The following PTPRT variants were observed in gnomAD, a reference collection of about 807,000 sequenced individuals.
PTPRT encodes the protein receptor-type tyrosine-protein phosphatase T.
PTPRT carries 56 observed loss-of-function variants against 176.8 expected under a neutral mutation model. The observed-to-expected ratio is 0.32, with a 90% CI of 0.26 to 0.40. The LOEUF (loss-of-function observed/expected upper bound fraction) is 0.40. Ranked by LOEUF, PTPRT falls within the 10% of genes least tolerant of loss-of-function variation. The pLI is 1.00. For synonymous variants in PTPRT, 783 were observed against 739.0 expected, an observed-to-expected ratio of 1.06 and a Z score of -0.96; for missense variants, 1,540 against 1,908.2, an observed-to-expected ratio of 0.81 and a Z score of 3.60.
At chr20:42,903,672 G>A (rs569696992) in intron 1 of PTPRT, among the ~76,000 whole-genome samples, 26 of 152,298 alleles carry the variant, frequency 1.7e-4, no homozygotes, top group African/African-American at 5.8e-4. Context: ...GCCGTTAAGT[G>A]TGCATTAATT....
At chr20:42,440,802 G>A (rs1033934285) in intron 9 of PTPRT, among the ~76,000 whole-genome samples, 1 of 152,166 alleles carries the variant, frequency 6.6e-6, no homozygotes, top group African/African-American at 2.4e-5. Flanking sequence ...AAGACCAAAT[G>A]CTGTCAGGCT....
At chr20:42,754,778 C>T (rs1255914078) in intron 6 of PTPRT, among the ~76,000 whole-genome samples, 1 of 152,142 alleles carries the variant, frequency 6.6e-6, no homozygotes, top group Admixed American at 6.5e-5. Context: ...TAATAAACTC[C>T]TGCTGAGGCC....
intron 7 of PTPRT, among the ~76,000 whole-genome samples, chr20:42,639,136 T>C (rs369291296): frequency 1.3e-5 from 2 of 152,156 alleles, no homozygotes; most frequent in African/African-American, 4.8e-5. Flanking sequence ...AATGCACACT[T>C]GACCTCTTCT....
chr20:42,084,076 A>G (rs773907990), intron 29 of PTPRT, among the ~76,000 whole-genome samples: 29 of 152,250 alleles, frequency 1.9e-4, no homozygotes, highest in Non-Finnish European at 3.7e-4. Context: ...CTAATTCCAC[A>G]TACCCAATGA....
chr20:42,579,565 C>A (rs2073333069), intron 7 of PTPRT, among the ~76,000 whole-genome samples: 1 of 152,182 alleles, frequency 6.6e-6, no homozygotes. Flanking sequence ...TCCTCTCCAG[C>A]ACCTGTTGTT....
chr20:42,346,849 G>A (rs1424223417), intron 11 of PTPRT, among the ~76,000 whole-genome samples: 1 of 152,198 alleles, frequency 6.6e-6, no homozygotes, highest in Non-Finnish European at 1.5e-5. Context: ...CTCAAAGAGG[G>A]ACCCACTGAA....
At chr20:42,120,359 C>CAAG (rs1987524005) in intron 19 of PTPRT, among the ~76,000 whole-genome samples, 1 of 152,100 alleles carries the variant, frequency 6.6e-6, no homozygotes, top group Non-Finnish European at 1.5e-5. Context: ...GAACACTGTA[C>CAAG]AAGACCCTAT....
intron 7 of PTPRT, among the ~76,000 whole-genome samples, chr20:42,663,165 A>G (rs1333901304): frequency 6.6e-6 from 1 of 151,844 alleles, no homozygotes; most frequent in Non-Finnish European, 1.5e-5. Flanking sequence ...CCCTCCCCCA[A>G]CCCCACTTAA....
intron 1 of PTPRT, among the ~76,000 whole-genome samples, chr20:42,967,802 G>A (rs546057799): frequency 1.3e-5 from 2 of 148,988 alleles, no homozygotes; most frequent in African/African-American, 2.5e-5. Context: ...CTTCAGCCTC[G>A]CCCTCTCCAA....
intron 9 of PTPRT, among the ~76,000 whole-genome samples, chr20:42,381,232 A>G (rs2145633222): frequency 6.6e-6 from 1 of 152,186 alleles, no homozygotes; most frequent in African/African-American, 2.4e-5. Flanking sequence ...GGCCTTTTAG[A>G]TTCATTGTAG....
At chr20:42,691,524 T>A (rs908979725) in intron 6 of PTPRT, among the ~76,000 whole-genome samples, 2 of 152,158 alleles carry the variant, frequency 1.3e-5, no homozygotes, top group African/African-American at 4.8e-5. Context: ...GGTGTCCAGA[T>A]GGATTAAGAG....
intron 16 of PTPRT, among the ~76,000 whole-genome samples, chr20:42,198,353 C>T (rs535409997): frequency 6.6e-6 from 1 of 152,124 alleles, no homozygotes; most frequent in East Asian, 1.9e-4. Flanking sequence ...CCCCATCATC[C>T]CAAACTGATC....
intron 7 of PTPRT, among the ~76,000 whole-genome samples, chr20:42,492,467 C>CTT (rs144691527): frequency 6.6e-6 from 1 of 151,612 alleles, no homozygotes; most frequent in African/African-American, 2.4e-5. Flanking sequence ...CTTCATGTTC[C>CTT]TTTTTTTTGC....
chr20:42,314,106 T>A (rs976870676), intron 12 of PTPRT, among the ~76,000 whole-genome samples: 1 of 152,172 alleles, frequency 6.6e-6, no homozygotes, highest in African/African-American at 2.4e-5. Context: ...GTTCTCCATG[T>A]TATACACTGC....
chr20:42,797,027 CA>C, intron 2 of PTPRT, among the ~76,000 whole-genome samples: 1 of 152,286 alleles, frequency 6.6e-6, no homozygotes, highest in South Asian at 2.1e-4. Context: ...TGTAGGTCCT[CA>C]AAAACAGCTT....
intron 3 of PTPRT, among the ~76,000 whole-genome samples, chr20:42,786,351 G>A (rs2077290866): frequency 6.6e-6 from 1 of 152,194 alleles, no homozygotes; most frequent in African/African-American, 2.4e-5. Context: ...TGAGGGAACT[G>A]TGATTCTGAA....
chr20:42,391,247 G>A (rs6093635), intron 9 of PTPRT, among the ~76,000 whole-genome samples: 19,810 of 151,432 alleles, frequency 0.13, 1,413 homozygotes, highest in East Asian at 0.2. Flanking sequence ...CAGATCCCTC[G>A]ACTACACCTC....
At chr20:42,627,912 A>G (rs1027427003) in intron 7 of PTPRT, among the ~76,000 whole-genome samples, 2 of 152,150 alleles carry the variant, frequency 1.3e-5, no homozygotes, top group Non-Finnish European at 2.9e-5. Context: ...TCATTTGCTC[A>G]AATATTGTGA....
chr20:42,676,711 G>A (rs1348221516), intron 7 of PTPRT, among the ~76,000 whole-genome samples: 1 of 152,154 alleles, frequency 6.6e-6, no homozygotes, highest in Non-Finnish European at 1.5e-5. Flanking sequence ...TATATAAAAT[G>A]TAAGTACTTA....
Sources: gnomAD v4.1 joint callset for allele counts (sites outside exome capture counted in the v4.1 genomes callset) on GRCh38, gnomAD v4.1.1 for gene constraint, MANE v1.5 for transcripts, NCBI Gene and HGNC (gene_info 2026-07-23, HGNC 2026-07-21) for gene names.